Variants in GPC5 observed in about 807,000 individuals in gnomAD.
The protein encoded by GPC5 is glypican-5.
GPC5 carries 47 observed loss-of-function variants against 53.9 expected under a neutral mutation model. The observed-to-expected ratio is 0.87, with a 90% CI of 0.69 to 1.11. The LOEUF (loss-of-function observed/expected upper bound fraction) is 1.11. Among genes scored for constraint, GPC5 ranks in the 50% most tolerant of loss-of-function variants. The probability of loss-of-function intolerance (pLI) is 0.00; values close to 1 mark genes in which losing one functional copy is unlikely to be tolerated. For missense variants in GPC5, 748 were observed against 713.1 expected (o/e 1.05, Z -0.56); for synonymous variants, 286 against 263.3 (o/e 1.09, Z -0.84).
At chr13:91,592,014 T>C (rs1344281397) in intron 2 of GPC5, among the ~76,000 whole-genome samples, 1 of 152,228 alleles carries the variant, frequency 6.6e-6, no homozygotes, top group Non-Finnish European at 1.5e-5. Flanking sequence ...GGATACTTGC[T>C]TTTTAAATTG....
intron 2 of GPC5, among the ~76,000 whole-genome samples, chr13:91,574,834 A>G (rs76418370): frequency 6.6e-6 from 1 of 152,144 alleles, no homozygotes; most frequent in Admixed American, 6.6e-5. Flanking sequence ...GACTCTGTCC[A>G]TGTTCTAATA....
chr13:92,145,053 T>C, intron 7 of GPC5, 64 bp downstream of exon 7: 1 of 1,201,096 alleles, frequency 8.3e-7, no homozygotes, highest in East Asian at 3.1e-5. Flanking sequence ...TTAAAGATAT[T>C]GTTATGGATG....
chr13:92,226,610 A>T lies in GPC5; in HGVS notation c.1561+81621A>T, dbSNP rs185178006. On this transcript the variant is annotated intron_variant, in intron 7 of 7. Transcript: ENST00000377067. ...AGAGTAGTGACTGAGAAACAAGCAGAACTTTTTTTTTTCTTTTTTTCTTTT... is the reference window on the plus strand; with the variant it reads ...AGAGTAGTGACTGAGAAACAAGCAGTACTTTTTTTTTTCTTTTTTTCTTTT... 3.3e-3 allele frequency among the ~76,000 whole-genome samples: 509 copies of T among 152,012 alleles called. 4 individuals are homozygous for T. The highest frequency in any genetic ancestry group is 0.012 in the African/African-American group (485 of 41,480).
intron 2 of GPC5, among the ~76,000 whole-genome samples, chr13:91,557,272 G>A (rs1373569608): frequency 2.0e-5 from 3 of 152,062 alleles, no homozygotes; most frequent in Non-Finnish European, 4.4e-5. Context: ...ATATTGCATT[G>A]TGCCTTTACT....
intron 2 of GPC5, among the ~76,000 whole-genome samples, chr13:91,627,989 T>C (rs2034052448): frequency 1.3e-5 from 2 of 152,162 alleles, no homozygotes; most frequent in East Asian, 1.9e-4. Context: ...GTCTTTGGAC[T>C]CTTTTATTAA....
chr13:91,408,780 C>T (rs1291154132), intron 1 of GPC5, among the ~76,000 whole-genome samples: 1 of 152,242 alleles, frequency 6.6e-6, no homozygotes, highest in East Asian at 1.9e-4. Context: ...CTCCTCTGTG[C>T]TATAATAACC....
intron 2 of GPC5, among the ~76,000 whole-genome samples, chr13:91,599,527 T>C (rs1182245909): frequency 6.6e-6 from 1 of 152,138 alleles, no homozygotes; most frequent in Non-Finnish European, 1.5e-5. Context: ...ATAGAAACTA[T>C]CTAACACAAA....
intron 7 of GPC5, among the ~76,000 whole-genome samples, chr13:92,475,006 C>T (rs551491773): frequency 1.3e-5 from 2 of 151,984 alleles, no homozygotes; most frequent in African/African-American, 4.8e-5. Flanking sequence ...GAAATGAGTA[C>T]AATTAGTGCT....
intron 7 of GPC5, among the ~76,000 whole-genome samples, chr13:92,748,620 C>T (rs901539535): frequency 1.3e-5 from 2 of 151,988 alleles, no homozygotes; most frequent in Non-Finnish European, 2.9e-5. Flanking sequence ...GGCACCTGGC[C>T]TGTCATTTTA....
At chr13:92,318,285 T>C (rs1175419071) in intron 7 of GPC5, among the ~76,000 whole-genome samples, 1 of 152,158 alleles carries the variant, frequency 6.6e-6, no homozygotes, top group Non-Finnish European at 1.5e-5. Flanking sequence ...ACCACACACC[T>C]GAATTGCAGT....
At position 91,693,694 on chromosome 13, in the gene GPC5, T is replaced by C; in HGVS notation, c.833T>C (p.Met278Thr). 1.9e-6 allele frequency: 3 copies of C among 1,614,170 alleles called. No individual in the cohort carries two copies. Among genetic ancestry groups the C allele is most frequent in the African/African-American group, 1.3e-5 (1 of 75,050 alleles). Residue 278 changes from methionine (M) to threonine (T), a missense_variant, in exon 3 of 8, where the codon ATG becomes ACG. Physicochemically the swap from Met to Thr is moderately conservative, Grantham distance 81. Coordinates refer to ENST00000377067, the MANE Select transcript of GPC5 (RefSeq NM_004466.6). ...KPCMGYCLNV[M>T]RGCLAHMAEL... Reference sequence around the variant, plus strand: ...TGTATGGGATACTGCCTCAATGTCATGCGAGGCTGCCTGGCGCACATGGCG... The same window carrying C: ...TGTATGGGATACTGCCTCAATGTCACGCGAGGCTGCCTGGCGCACATGGCG...
intron 7 of GPC5, among the ~76,000 whole-genome samples, chr13:92,560,674 C>A (rs1179739178): frequency 1.3e-5 from 2 of 151,906 alleles, no homozygotes; most frequent in Non-Finnish European, 2.9e-5. Flanking sequence ...ACAGTCTCAC[C>A]TTATTTTACA....
chr13:92,196,636 C>T (rs1435070542), intron 7 of GPC5, among the ~76,000 whole-genome samples: 1 of 152,176 alleles, frequency 6.6e-6, no homozygotes, highest in African/African-American at 2.4e-5. Context: ...CCCCTCTGTT[C>T]ACAATCCAAA....
chr13:92,545,851 T>C (rs1300607472), intron 7 of GPC5, among the ~76,000 whole-genome samples: 3 of 152,158 alleles, frequency 2.0e-5, no homozygotes, highest in African/African-American at 7.2e-5. Flanking sequence ...TTGCAAAAAT[T>C]TTCTCCCATT....
chr13:91,958,087 AT>A lies in GPC5; in HGVS notation c.1401+50040del, dbSNP rs1363320029. Among the ~76,000 whole-genome samples, 490 of 149,336 alleles carry A rather than the reference AT, an allele frequency of 3.3e-3. 4 individuals carry two copies. The highest frequency in any genetic ancestry group is 0.011 in the African/African-American group (456 of 40,968). ...CCACTTAAATGATATAGACTGGTTG[AT>A]TTTTTTTTTAAAGAAAGCATGATTC... On this transcript the variant is annotated intron_variant, in intron 6 of 7. Transcript: ENST00000377067.
intron 7 of GPC5, among the ~76,000 whole-genome samples, chr13:92,305,279 C>T (rs1006121957): frequency 1.3e-5 from 2 of 151,958 alleles, no homozygotes; most frequent in African/African-American, 2.4e-5. Context: ...AAAGTTAACC[C>T]ATCATATATA....
chr13:91,793,611 T>C (rs748259078), intron 5 of GPC5, among the ~76,000 whole-genome samples: 1 of 152,122 alleles, frequency 6.6e-6, no homozygotes, highest in Non-Finnish European at 1.5e-5. Flanking sequence ...TATTAGTCCA[T>C]TTTCACACTG....
intron 6 of GPC5, among the ~76,000 whole-genome samples, chr13:92,017,978 G>A (rs2040722502): frequency 2.0e-5 from 3 of 149,544 alleles, no homozygotes; most frequent in Admixed American, 6.7e-5. Flanking sequence ...CGTGCAGCAC[G>A]AGTACACACA....
chr13:91,546,953 G>T (rs936949064), intron 2 of GPC5, among the ~76,000 whole-genome samples: 1 of 152,032 alleles, frequency 6.6e-6, no homozygotes, highest in African/African-American at 2.4e-5. Flanking sequence ...AGAATGGTGA[G>T]AAGGGAAAGA....
Sources: allele counts gnomAD v4.1 joint callset (sites outside exome capture counted in the v4.1 genomes callset), GRCh38; gene constraint gnomAD v4.1.1; transcripts MANE v1.5; gene names NCBI Gene and HGNC (gene_info 2026-07-23, HGNC 2026-07-21).